The following KCNMA1 variants were observed in gnomAD, a reference collection of about 807,000 sequenced individuals.
KCNMA1 encodes potassium calcium-activated channel subfamily M alpha 1, also known as Calcium-activated potassium channel subunit alpha-1.
In KCNMA1, 29 loss-of-function variants were observed where a neutral mutation model predicts 140.0. The ratio of observed to expected loss-of-function variants is 0.21; its 90% CI spans 0.15 to 0.28. The LOEUF (loss-of-function observed/expected upper bound fraction) is 0.28. Among genes scored for constraint, KCNMA1 ranks in the 10% least tolerant of loss-of-function variants. KCNMA1 has a pLI of 1.00. For missense variants in KCNMA1, 880 were observed against 1,602.2 expected (o/e 0.55, Z 7.70); for synonymous variants, 612 against 611.9 (o/e 1.00, Z 0.00).
chr10:77,001,607 A>G (rs1452240997), intron 18 of KCNMA1, 27 bp from the exon 19 acceptor site: 1 of 1,540,468 alleles, frequency 6.5e-7, no homozygotes, highest in African/African-American at 1.4e-5. Context: ...GGATGGGAGG[A>G]GAGGAAGAGC....
At chr10:77,188,150 A>G (rs1045319908) in intron 3 of KCNMA1, among the ~76,000 whole-genome samples, 2 of 151,994 alleles carry the variant, frequency 1.3e-5, no homozygotes, top group African/African-American at 4.8e-5. Flanking sequence ...AAAAGCTAGC[A>G]AAGAAATTGT....
chr10:77,427,080 A>T (rs945500479), intron 1 of KCNMA1, among the ~76,000 whole-genome samples: 8 of 152,236 alleles, frequency 5.3e-5, no homozygotes, highest in Non-Finnish European at 1.2e-4. Flanking sequence ...CAGCTCCAAC[A>T]TCTAGCACAT....
chr10:77,278,605 T>C (rs1451272891), intron 2 of KCNMA1, among the ~76,000 whole-genome samples: 1 of 152,184 alleles, frequency 6.6e-6, no homozygotes, highest in Non-Finnish European at 1.5e-5. Flanking sequence ...TATGGAAATT[T>C]GTAATGGCAG....
intron 6 of KCNMA1, among the ~76,000 whole-genome samples, chr10:77,115,943 C>A (rs2097451681): frequency 6.6e-6 from 1 of 152,170 alleles, no homozygotes; most frequent in Non-Finnish European, 1.5e-5. Context: ...GAAATGTGAA[C>A]CTTGCCAGGT....
intron 1 of KCNMA1, among the ~76,000 whole-genome samples, chr10:77,494,266 C>A (rs944664155): frequency 6.7e-6 from 1 of 149,430 alleles, no homozygotes; most frequent in Admixed American, 6.7e-5. Context: ...GCAATGGGGT[C>A]CCAGTCCTCA....
chr10:77,585,366 C>T (rs1381103948), intron 1 of KCNMA1, among the ~76,000 whole-genome samples: 4 of 152,108 alleles, frequency 2.6e-5, no homozygotes, highest in Non-Finnish European at 5.9e-5. Context: ...TTCACCAGGC[C>T]GTTGTCGCAG....
chr10:77,206,718 C>T (rs1430391792), intron 3 of KCNMA1, among the ~76,000 whole-genome samples: 1 of 143,702 alleles, frequency 7.0e-6, no homozygotes, highest in South Asian at 2.1e-4. Flanking sequence ...AAAACCTACA[C>T]AAGTGCCTGA....
intron 19 of KCNMA1, among the ~76,000 whole-genome samples, 167 bp downstream of exon 19, chr10:77,001,240 C>T (rs530866911): frequency 1.6e-4 from 25 of 152,152 alleles, no homozygotes; most frequent in East Asian, 5.8e-4. Flanking sequence ...TTCCTAGGCA[C>T]GTACACAGAG....
At chr10:77,050,284 A>T (rs1252150006) in intron 14 of KCNMA1, among the ~76,000 whole-genome samples, 2 of 152,122 alleles carry the variant, frequency 1.3e-5, no homozygotes, top group Non-Finnish European at 2.9e-5. Context: ...TAAAAAAAAA[A>T]AATAAAAAAA....
chr10:77,176,496 G>A (rs1403793957), intron 5 of KCNMA1, among the ~76,000 whole-genome samples: 3 of 152,106 alleles, frequency 2.0e-5, no homozygotes, highest in African/African-American at 7.2e-5. Context: ...TGAGGGGTGT[G>A]GGAGGGTGTT....
In KCNMA1 at chr10:76,997,084, T is replaced by C. The variant is rs555897493; in HGVS notation, c.2266+4323A>G. Among the ~76,000 whole-genome samples the C allele has an allele frequency of 2.0e-5, 3 of 152,330 alleles. No homozygotes were observed. In the South Asian group the frequency reaches 6.2e-4, roughly 32 times the overall value. On this transcript the variant is annotated intron_variant, in intron 19 of 27. Transcript: ENST00000286628. The stretch of plus-strand genomic sequence containing the variant: ...GTTCACTTAAGTGACTTTAGTTCTA[T>C]TGACAATGTTAATTCTCTGTCTGCA...
chr10:77,363,926 G>A (rs1319398080), intron 2 of KCNMA1, among the ~76,000 whole-genome samples: 6 of 152,114 alleles, frequency 3.9e-5, no homozygotes, highest in East Asian at 1.9e-4. Context: ...TATGCATGAC[G>A]ATATGTTTTT....
chr10:77,146,495 G>A (rs1272126527), intron 5 of KCNMA1, among the ~76,000 whole-genome samples: 2 of 152,132 alleles, frequency 1.3e-5, no homozygotes, highest in East Asian at 1.9e-4. Flanking sequence ...GAGGCCAGGA[G>A]TTTGAGACCA....
At chr10:77,378,924 C>A (rs2095284314) in intron 2 of KCNMA1, among the ~76,000 whole-genome samples, 1 of 152,218 alleles carries the variant, frequency 6.6e-6, no homozygotes, top group Admixed American at 6.5e-5. Context: ...ACCCCATCCT[C>A]TGATTCAAAT....
At chr10:77,419,408 G>C (rs1272864207) in intron 1 of KCNMA1, among the ~76,000 whole-genome samples, 1 of 152,142 alleles carries the variant, frequency 6.6e-6, no homozygotes, top group East Asian at 1.9e-4. Flanking sequence ...AGGTCAGGTG[G>C]TTACCTGAAT....
chr10:77,262,864 C>T (rs1372055594), intron 2 of KCNMA1, among the ~76,000 whole-genome samples: 1 of 152,082 alleles, frequency 6.6e-6, no homozygotes, highest in Non-Finnish European at 1.5e-5. Context: ...ATAAATTACC[C>T]ATCTTCAGGT....
intron 1 of KCNMA1, among the ~76,000 whole-genome samples, chr10:77,455,846 C>T (rs2097755207): frequency 6.6e-6 from 1 of 152,200 alleles, no homozygotes. Context: ...TCATTTAATC[C>T]AAACGCCCCC....
chr10:77,483,151 G>A (rs1324986786), intron 1 of KCNMA1, among the ~76,000 whole-genome samples: 2 of 152,094 alleles, frequency 1.3e-5, no homozygotes, highest in African/African-American at 2.4e-5. Flanking sequence ...GAGGGGCCAG[G>A]AGAGGAGACT....
chr10:77,064,090 T>C, intron 14 of KCNMA1: 2 of 985,458 alleles, frequency 2.0e-6, no homozygotes, highest in Non-Finnish European at 2.4e-6. Flanking sequence ...GCTGCCTTTC[T>C]CTTTGTTCAG....
Sources: gnomAD v4.1 joint callset for allele counts (sites outside exome capture counted in the v4.1 genomes callset) on GRCh38, gnomAD v4.1.1 for gene constraint, MANE v1.5 for transcripts, NCBI Gene and HGNC (gene_info 2026-07-23, HGNC 2026-07-21) for gene names.